The following DMD variants were observed in gnomAD, a reference collection of about 807,000 sequenced individuals.
DMD encodes mutant dystrophin.
DMD carries 63 observed loss-of-function variants against 330.1 expected under a neutral mutation model. The ratio of observed to expected loss-of-function variants is 0.19; its 90% CI spans 0.16 to 0.24. DMD has a LOEUF of 0.24. Ranked by LOEUF, DMD falls within the 10% of genes least tolerant of loss-of-function variation. DMD has a pLI of 1.00. For missense variants in DMD, 3,344 were observed against 2,684.1 expected, an observed-to-expected ratio of 1.25 and a Z score of -5.43; for synonymous variants, 1,223 against 959.8, an observed-to-expected ratio of 1.27 and a Z score of -5.07.
chrX:31,457,242 C>T (rs1287022203), intron 59 of DMD, among the ~76,000 whole-genome samples: 1 of 111,009 alleles, frequency 9.0e-6, no homozygotes, highest in Non-Finnish European at 1.9e-5. Flanking sequence ...TAACAATGGC[C>T]AGAAATAAGC....
At chrX:32,791,044 C>T (rs1292723103) in intron 7 of DMD, among the ~76,000 whole-genome samples, 1 of 111,123 alleles carries the variant, frequency 9.0e-6, no homozygotes, top group Non-Finnish European at 1.9e-5. Flanking sequence ...CAGTTTACCA[C>T]CATTGGCATC....
intron 55 of DMD, among the ~76,000 whole-genome samples, chrX:31,540,676 G>C (rs1373220841): frequency 2.7e-5 from 3 of 111,660 alleles, no homozygotes; most frequent in African/African-American, 9.8e-5. Flanking sequence ...ATTGCTCTGA[G>C]GATTTTCCAT....
chrX:32,813,675 G>A (rs371935430), intron 6 of DMD, among the ~76,000 whole-genome samples: 1 of 111,504 alleles, frequency 9.0e-6, no homozygotes, highest in African/African-American at 3.3e-5. Flanking sequence ...TATCTTTACA[G>A]AACTGATATA....
chrX:31,974,911 T>G (rs986167942), intron 44 of DMD, among the ~76,000 whole-genome samples: 6 of 109,815 alleles, frequency 5.5e-5, no homozygotes, highest in African/African-American at 9.9e-5. Flanking sequence ...TATATATATA[T>G]ATAGATTTGT....
intron 1 of DMD, among the ~76,000 whole-genome samples, chrX:33,306,512 T>C (rs942769060): frequency 1.5e-4 from 17 of 110,802 alleles, no homozygotes; most frequent in African/African-American, 5.6e-4. Context: ...GGGAACAACA[T>C]TTAATTGAGG....
intron 44 of DMD, among the ~76,000 whole-genome samples, chrX:31,977,787 C>T (rs867142946): frequency 1.7e-5 from 1 of 60,354 alleles, no homozygotes. Context: ...CTCTGCAAAT[C>T]AAAAAAAAAA....
At chrX:32,762,327 T>C (rs975564021) in intron 7 of DMD, among the ~76,000 whole-genome samples, 1 of 111,052 alleles carries the variant, frequency 9.0e-6, no homozygotes, top group African/African-American at 3.3e-5. Flanking sequence ...TTGCTATTCA[T>C]TTATTTATCC....
At chrX:31,752,389 A>C (rs1479066321) in intron 51 of DMD, among the ~76,000 whole-genome samples, 4 of 111,087 alleles carry the variant, frequency 3.6e-5, no homozygotes, top group Non-Finnish European at 5.7e-5. Context: ...AGTATCTCAC[A>C]ATCTAGAAAG....
chrX:32,687,927 TCTTA>T, intron 9 of DMD, among the ~76,000 whole-genome samples: 1 of 110,658 alleles, frequency 9.0e-6, no homozygotes, highest in East Asian at 2.8e-4. Flanking sequence ...TAACACGAAT[TCTTA>T]CTTCCATAAA....
At chrX:33,093,714 G>A (rs752272226) in intron 1 of DMD, among the ~76,000 whole-genome samples, 41 of 111,201 alleles carry the variant, frequency 3.7e-4, no homozygotes, top group South Asian at 1.5e-3. Context: ...TGATTGAAAC[G>A]GTGTAAAACA....
At chrX:31,422,504 T>C (rs773043819) in intron 60 of DMD, among the ~76,000 whole-genome samples, 2 of 111,982 alleles carry the variant, frequency 1.8e-5, no homozygotes, top group Non-Finnish European at 3.8e-5. Context: ...GATGGGACTC[T>C]AGAAGTGTTT....
intron 29 of DMD, among the ~76,000 whole-genome samples, chrX:32,434,493 T>C (rs2098251504): frequency 8.9e-6 from 1 of 112,200 alleles, no homozygotes; most frequent in African/African-American, 3.2e-5. Context: ...AAGAGAATCA[T>C]GGCCTAAAAC....
intron 49 of DMD, 35 bp downstream of exon 49, chrX:31,836,683 G>A: frequency 9.7e-7 from 1 of 1,029,555 alleles, no homozygotes; most frequent in Non-Finnish European, 1.4e-6. Flanking sequence ...AACCCATTAT[G>A]AGGTAATGGA....
intron 57 of DMD, among the ~76,000 whole-genome samples, chrX:31,482,449 T>G (rs187160151): frequency 9.0e-6 from 1 of 111,153 alleles, no homozygotes; most frequent in Non-Finnish European, 1.9e-5. Flanking sequence ...TCTTGAGAGA[T>G]AGAAAAGGAA....
chrX:33,110,398 T>G (rs1245014385), intron 1 of DMD, among the ~76,000 whole-genome samples: 1 of 111,464 alleles, frequency 9.0e-6, no homozygotes, highest in African/African-American at 3.3e-5. Flanking sequence ...GGAAATTAAT[T>G]ATATTGCAAT....
intron 39 of DMD, among the ~76,000 whole-genome samples, chrX:32,344,201 A>G (rs1330324568): frequency 8.9e-6 from 1 of 112,126 alleles, no homozygotes; most frequent in Non-Finnish European, 1.9e-5. Context: ...TTCTACAGAA[A>G]GTAGCAATTA....
At chrX:32,972,266 C>A (rs920440142) in intron 2 of DMD, among the ~76,000 whole-genome samples, 4 of 110,862 alleles carry the variant, frequency 3.6e-5, no homozygotes, top group African/African-American at 1.3e-4. Context: ...CAGCCTTGAC[C>A]TCCCGGGCTC....
At chrX:31,634,807 C>G (rs781468465) in intron 54 of DMD, among the ~76,000 whole-genome samples, 16 of 111,284 alleles carry the variant, frequency 1.4e-4, no homozygotes, top group African/African-American at 5.2e-4. Flanking sequence ...TTCTACTTTA[C>G]TTTGCATTAC....
At chrX:33,154,521 C>T (rs1388058149) in intron 1 of DMD, among the ~76,000 whole-genome samples, 1 of 111,591 alleles carries the variant, frequency 9.0e-6, no homozygotes, top group Non-Finnish European at 1.9e-5. Flanking sequence ...ATCTTTCTAG[C>T]TCCCTGCCAC....
Sources: allele counts gnomAD v4.1 joint callset (sites outside exome capture counted in the v4.1 genomes callset), GRCh38; gene constraint gnomAD v4.1.1; transcripts MANE v1.5; gene names NCBI Gene and HGNC (gene_info 2026-07-23, HGNC 2026-07-21).